The following STK31 variants were observed in gnomAD, a reference collection of about 807,000 sequenced individuals.
STK31 encodes serine/threonine kinase 31.
In STK31, 89 loss-of-function variants were observed where a neutral mutation model predicts 129.7. That is an observed-to-expected ratio of 0.69 (90% CI 0.58 to 0.82). The LOEUF (loss-of-function observed/expected upper bound fraction) is 0.82. Ranked by LOEUF, STK31 falls within the 40% of genes least tolerant of loss-of-function variation. STK31 has a pLI of 0.00. For synonymous variants in STK31, 448 were observed against 395.3 expected, an observed-to-expected ratio of 1.13 and a Z score of -1.58; for missense variants, 1,187 against 1,176.4, an observed-to-expected ratio of 1.01 and a Z score of -0.13.
chr7:23,820,220 T>C (rs1793718752), intron 23 of STK31, among the ~76,000 whole-genome samples: 1 of 152,182 alleles, frequency 6.6e-6, no homozygotes, highest in Admixed American at 6.5e-5. Flanking sequence ...AGGGGATTGG[T>C]ACAGATAAAA....
At chr7:23,802,434 A>G (rs934133173) in intron 22 of STK31, among the ~76,000 whole-genome samples, 9 of 152,188 alleles carry the variant, frequency 5.9e-5, no homozygotes, top group African/African-American at 9.7e-5. Context: ...TGGTGCCTAG[A>G]TAAGGGCTTA....
intron 8 of STK31, 46 bp from the exon 9 acceptor site, chr7:23,752,671 G>A: frequency 1.5e-6 from 2 of 1,373,798 alleles, no homozygotes; most frequent in Non-Finnish European, 2.1e-6. Context: ...CAGAAATACA[G>A]TTTCCTATTT....
chr7:23,754,744 G>A (rs1025326506), intron 10 of STK31, among the ~76,000 whole-genome samples: 1 of 152,170 alleles, frequency 6.6e-6, no homozygotes, highest in African/African-American at 2.4e-5. Context: ...GTGAGAACAT[G>A]TAGTGTTTGG....
intron 23 of STK31, among the ~76,000 whole-genome samples, chr7:23,821,485 G>A (rs1424536599): frequency 1.3e-5 from 2 of 152,076 alleles, no homozygotes; most frequent in South Asian, 2.1e-4. Flanking sequence ...GTCTATTTAT[G>A]TCCTTTGCCC....
intron 21 of STK31, among the ~76,000 whole-genome samples, chr7:23,790,204 A>G (rs1295990734): frequency 6.6e-6 from 1 of 152,180 alleles, no homozygotes; most frequent in East Asian, 1.9e-4. Flanking sequence ...TAAGGTAGAC[A>G]TTATTTCCAT....
At chr7:23,742,603 C>G (rs1788114410) in intron 8 of STK31, among the ~76,000 whole-genome samples, 1 of 152,202 alleles carries the variant, frequency 6.6e-6, no homozygotes. Flanking sequence ...TGTTTCAGAG[C>G]TCTGGGGATT....
At chr7:23,825,307 T>C (rs2128131989) in intron 23 of STK31, among the ~76,000 whole-genome samples, 1 of 152,346 alleles carries the variant, frequency 6.6e-6, no homozygotes, top group African/African-American at 2.4e-5. Context: ...AGATTCAACT[T>C]CTTCCTGGCT....
chr7:23,710,163 C>T (rs760480283), upstream of STK31: 58 of 1,555,450 alleles, frequency 3.7e-5, no homozygotes, highest in Non-Finnish European at 4.9e-5. Context: ...ACGTGACTCC[C>T]GCTAACACCG....
chr7:23,832,414 G>A lies in STK31; in HGVS notation c.*48G>A, dbSNP rs746524816. 5.2e-6 allele frequency: 7 copies of A among 1,350,710 alleles called. No individual in the cohort carries two copies. Among genetic ancestry groups the A allele is most frequent in the Non-Finnish European group, 7.3e-6 (7 of 964,770 alleles). The allele number at this position is 1,350,710 out of a possible 1,614,324, so 83.7% of individuals were successfully genotyped here. Reference sequence around the variant, plus strand: ...AGGTTCTTTTTAAAAACTTTGGTTTGGTTAATACACAGAAATATCTAGAAA... The same window carrying A: ...AGGTTCTTTTTAAAAACTTTGGTTTAGTTAATACACAGAAATATCTAGAAA... On this transcript the variant is annotated 3_prime_UTR_variant, in exon 24 of 24. Coordinates refer to ENST00000355870, the MANE Select transcript of STK31 (RefSeq NM_031414.5).
chr7:23,728,959 T>A (rs779415705), intron 5 of STK31, 132 bp from the exon 6 acceptor site: 14 of 666,916 alleles, frequency 2.1e-5, no homozygotes, highest in Non-Finnish European at 2.9e-5. Flanking sequence ...TGTTTCTGAA[T>A]GTATTTTGTC....
chr7:23,729,326 A>T, intron 6 of STK31, 77 bp downstream of exon 6: 8 of 1,312,070 alleles, frequency 6.1e-6, no homozygotes, highest in Non-Finnish European at 8.2e-6. Flanking sequence ...GTATAGTTAA[A>T]TCTTACTTTA....
At chr7:23,772,078 A>G in intron 14 of STK31, 69 bp from the exon 15 acceptor site, 1 of 1,169,828 alleles carries the variant, frequency 8.5e-7, no homozygotes, top group Non-Finnish European at 1.2e-6. Flanking sequence ...ACAGAGAAAT[A>G]ATAAATGATC....
Position 23,781,625 on chromosome 7 carries a change from A to G in STK31, c.2067+105A>G, listed in dbSNP as rs563008025. The stretch of plus-strand genomic sequence containing the variant: ...CTGTAATCACAAGGCTAGAGGTATT[A>G]TATAGAAAGTTTATATATATATTGA... On this transcript the variant is annotated intron_variant, in intron 16 of 23. Transcript: ENST00000355870. The G allele has an allele frequency of 1.7e-5, 13 of 744,746 alleles. No individual in the cohort carries two copies. In the East Asian group the frequency reaches 3.7e-4, roughly 21 times the overall value. The allele number at this position is 744,746 out of a possible 1,614,324, so 46.1% of individuals were successfully genotyped here.
At chr7:23,747,898 T>A (rs978831677) in intron 8 of STK31, among the ~76,000 whole-genome samples, 2 of 152,182 alleles carry the variant, frequency 1.3e-5, no homozygotes, top group Non-Finnish European at 2.9e-5. Flanking sequence ...ATTTTATTCA[T>A]CTTTTCAAAG....
At chr7:23,753,020 A>G (rs1788813839) in intron 9 of STK31, among the ~76,000 whole-genome samples, 188 bp downstream of exon 9, 1 of 152,180 alleles carries the variant, frequency 6.6e-6, no homozygotes, top group South Asian at 2.1e-4. Context: ...TTCTACTGTC[A>G]CTGCTTGGAG....
intron 21 of STK31, 109 bp from the exon 22 acceptor site, chr7:23,790,715 G>A (rs1218548284): frequency 9.2e-7 from 1 of 1,089,744 alleles, no homozygotes; most frequent in East Asian, 2.8e-5. Flanking sequence ...GCAAGGGAAT[G>A]AAATATTTAA....
rs116049929 is a variant in STK31 at position 23,831,113 on chromosome 7, G to A, written c.2830-1023G>A. ...AGTATGTGTATTCTGTTGCTGTTGG[G>A]TAAAGTGTTCTGTAAATATCTGTTA... On this transcript the variant is annotated intron_variant, in intron 23 of 23. Coordinates refer to ENST00000355870, the MANE Select transcript of STK31 (RefSeq NM_031414.5). Among the ~76,000 whole-genome samples, 1,097 of 152,266 alleles carry A rather than the reference G, an allele frequency of 7.2e-3. 14 individuals carry two copies. The highest frequency in any genetic ancestry group is 0.026 in the African/African-American group (1,061 of 41,570).
upstream of STK31, chr7:23,710,195 A>C: frequency 6.2e-7 from 1 of 1,602,672 alleles, no homozygotes. Flanking sequence ...AGCGCTGTGC[A>C]CGCAGGCGCA....
At position 23,762,903 on chromosome 7, in the gene STK31, A is replaced by ATATT. The variant is rs757649857; in HGVS notation, c.1396_1397insTATT (p.Lys466IlefsTer28). The ATATT allele has an allele frequency of 1.3e-6, 2 of 1,583,030 alleles. No homozygotes were observed. Among genetic ancestry groups the ATATT allele is most frequent in the Non-Finnish European group, 1.7e-6 (2 of 1,168,902 alleles). On this transcript the variant is annotated frameshift_variant, in exon 11 of 24. Transcript: ENST00000355870. LOFTEE classifies it high-confidence loss of function. ...GGAAGTTGATGAGTCATCTCTTAATAAACGCTTAAAAACATTGCAGGTTGG... is the reference window on the plus strand; with the variant it reads ...GGAAGTTGATGAGTCATCTCTTAATATATTAACGCTTAAAAACATTGCAGGTTGG...
Sources: gnomAD v4.1 joint callset for allele counts (sites outside exome capture counted in the v4.1 genomes callset) on GRCh38, gnomAD v4.1.1 for gene constraint, MANE v1.5 for transcripts, NCBI Gene and HGNC (gene_info 2026-07-23, HGNC 2026-07-21) for gene names.